Variants in ZNF568 observed in about 807,000 individuals in gnomAD.
ZNF568 encodes the protein p53 inhibitor of SCO2 activation.
ZNF568 carries 11 observed loss-of-function variants against 18.1 expected under a neutral mutation model. The ratio of observed to expected loss-of-function variants is 0.61; its 90% CI spans 0.38 to 1.00. ZNF568 has a LOEUF of 1.00. Among genes scored for constraint, ZNF568 ranks in the 50% least tolerant of loss-of-function variants. The pLI is 0.01. For synonymous variants in ZNF568, 213 were observed against 246.6 expected, an observed-to-expected ratio of 0.86 and a Z score of 1.28; for missense variants, 639 against 768.2, an observed-to-expected ratio of 0.83 and a Z score of 1.99.
At chr19:36,935,444 C>G (rs2073773642) in intron 4 of ZNF568, among the ~76,000 whole-genome samples, 1 of 151,734 alleles carries the variant, frequency 6.6e-6, no homozygotes, top group African/African-American at 2.4e-5. Context: ...CCTGTAATCC[C>G]AGCTACTCAG....
intron 4 of ZNF568, among the ~76,000 whole-genome samples, chr19:36,995,483 C>A (rs954733004): frequency 1.3e-5 from 2 of 152,050 alleles, no homozygotes; most frequent in African/African-American, 2.4e-5. Context: ...ATCCTGCCAA[C>A]CTCTTCTTGT....
intron 6 of ZNF568, among the ~76,000 whole-genome samples, chr19:36,969,186 TGCTTCTGGAGATTTGAA>T (rs2146329584): frequency 6.6e-6 from 1 of 152,264 alleles, no homozygotes; most frequent in East Asian, 1.9e-4. Context: ...ATTCTTTCAA[TGCTTCTGGAGATTTGAA>T]ACTTGCCAAA....
chr19:36,980,113 A>G (rs994661492), downstream of ZNF568: 1 of 151,656 alleles, frequency 6.6e-6, no homozygotes, highest in African/African-American at 2.4e-5. Flanking sequence ...CTTTGTATGC[A>G]TTTCTTAAAT....
chr19:36,956,614 T>G (rs1022676245), downstream of ZNF568, among the ~76,000 whole-genome samples: 2 of 152,108 alleles, frequency 1.3e-5, no homozygotes, highest in African/African-American at 4.8e-5. Flanking sequence ...TTTTTTTTTT[T>G]TGAGACAGGG....
chr19:36,996,448 C>T lies in ZNF568; in HGVS notation c.361C>T (p.Gln121Ter). ...CCAGGTGGAGAGACAACAGGGTCAT[C>T]AGGAGGGACATTTCAGACCAGCTGT... Residue 121 changes from glutamine to a stop codon, truncating the protein, a stop_gained, in exon 5 of 5, where the codon CAG becomes TAG. Coordinates refer to the ZNF568 transcript ENST00000433993. LOFTEE classifies it low-confidence loss of function (END_TRUNC). The T allele has an allele frequency of 6.5e-7, 1 of 1,536,398 alleles. No homozygotes were observed.
At chr19:36,990,531 C>T (rs1893819834) in intron 2 of ZNF568, among the ~76,000 whole-genome samples, 3 of 152,180 alleles carry the variant, frequency 2.0e-5, no homozygotes, top group Non-Finnish European at 4.4e-5. Flanking sequence ...AGGAGAATCG[C>T]TTGAACCTGG....
chr19:36,985,670 G>GCA (rs1222212147), intron 2 of ZNF568, among the ~76,000 whole-genome samples: 1 of 151,946 alleles, frequency 6.6e-6, no homozygotes, highest in African/African-American at 2.4e-5. Context: ...CTACAGGTGC[G>GCA]CACCACCATG....
chr19:36,993,237 T>C (rs1362508880), intron 4 of ZNF568, among the ~76,000 whole-genome samples: 1 of 152,216 alleles, frequency 6.6e-6, no homozygotes, highest in Non-Finnish European at 1.5e-5. Flanking sequence ...TATGAATATG[T>C]TTGATTACAT....
At chr19:36,937,502 A>G (rs2073810734) in intron 6 of ZNF568, among the ~76,000 whole-genome samples, 1 of 152,206 alleles carries the variant, frequency 6.6e-6, no homozygotes, top group South Asian at 2.1e-4. Flanking sequence ...ATTCATTCAC[A>G]GCTTCACTTT....
At position 36,922,858 on chromosome 19, in the gene ZNF568, C is replaced by T. The variant is rs758096292; in HGVS notation, c.76+12C>T. ...GATGGAAAGGAAAGGTGAGGTGGCT[C>T]ATAGGTGGACAGAGCTTAGGAGAGA... On this transcript the variant is annotated intron_variant, in intron 3 of 6. Coordinates refer to ENST00000333987, the MANE Select transcript of ZNF568 (RefSeq NM_198539.4). The T allele has an allele frequency of 6.2e-7, 1 of 1,612,780 alleles. No homozygotes were observed. Among genetic ancestry groups the T allele is most frequent in the Non-Finnish European group, 8.5e-7 (1 of 1,179,100 alleles).
chr19:36,990,700 A>G (rs945887399), intron 2 of ZNF568, among the ~76,000 whole-genome samples: 21 of 152,356 alleles, frequency 1.4e-4, no homozygotes, highest in African/African-American at 4.8e-4. Context: ...TACTTCCTCA[A>G]AACAAGAACA....
chr19:36,974,715 A>C (rs2074266183), intron 7 of ZNF568, among the ~76,000 whole-genome samples: 2 of 152,112 alleles, frequency 1.3e-5, no homozygotes, highest in Non-Finnish European at 1.5e-5. Context: ...GACAGAGAAC[A>C]TGCCTCAGTG....
downstream of ZNF568, chr19:36,997,467 G>A (rs760569140): frequency 1.9e-6 from 3 of 1,587,760 alleles, no homozygotes; most frequent in Non-Finnish European, 8.5e-7. Flanking sequence ...GACCCCATAA[G>A]TGTAAGGAAT....
At chr19:36,947,124 T>G (rs1460436891) in intron 6 of ZNF568, among the ~76,000 whole-genome samples, 3 of 152,158 alleles carry the variant, frequency 2.0e-5, no homozygotes, top group Admixed American at 6.5e-5. Flanking sequence ...CAAGCAATTC[T>G]CCTGCCTCAG....
chr19:36,926,977 C>T (rs59677148), intron 4 of ZNF568, among the ~76,000 whole-genome samples: 2,000 of 152,186 alleles, frequency 0.013, 48 homozygotes, highest in African/African-American at 0.045. Context: ...ATACAAAAGC[C>T]AATTACCCAT....
At chr19:36,925,152 C>T in intron 3 of ZNF568, 48 bp from the exon 4 acceptor site, 1 of 1,572,516 alleles carries the variant, frequency 6.4e-7, no homozygotes, top group Non-Finnish European at 8.8e-7. Context: ...TTCTATATTC[C>T]TTTGTCTGAA....
At chr19:36,996,228 T>TAAA (rs2074469948) in intron 4 of ZNF568, 1 of 1,038,952 alleles carries the variant, frequency 9.6e-7, no homozygotes, top group Non-Finnish European at 1.4e-6. Flanking sequence ...GCTTATTAAC[T>TAAA]ATTTTTATTT....
intron 4 of ZNF568, among the ~76,000 whole-genome samples, chr19:36,994,564 T>C (rs1644689): frequency 0.53 from 81,333 of 152,110 alleles, 22,271 homozygotes; most frequent in African/African-American, 0.61. Flanking sequence ...GTGTTACATA[T>C]TTTGGGCCTG....
chr19:36,922,442 G>A lies in ZNF568; in HGVS notation c.-185-144G>A, dbSNP rs147078133. On this transcript the variant is annotated intron_variant, in intron 2 of 6. Coordinates refer to ENST00000333987, the MANE Select transcript of ZNF568 (RefSeq NM_198539.4). ...CTGCAATATCCTATTGGTTATGCAG[G>A]TCAAAGGTACTCATGGTGGGAGGGA... 3.9e-3 allele frequency: 847 copies of A among 217,520 alleles called. 3 individuals are homozygous for A. Among genetic ancestry groups the A allele is most frequent in the Admixed American group, 5.4e-3 (94 of 17,504 alleles). 13.5% of individuals were successfully genotyped at this position (217,520 alleles called of 1,614,324 possible).
Sources: gnomAD v4.1 joint callset for allele counts (sites outside exome capture counted in the v4.1 genomes callset) on GRCh38, gnomAD v4.1.1 for gene constraint, MANE v1.5 for transcripts, NCBI Gene and HGNC (gene_info 2026-07-23, HGNC 2026-07-21) for gene names.